The following NIBAN1 variants were observed in gnomAD, a reference collection of about 807,000 sequenced individuals.
The protein encoded by NIBAN1 is protein Niban 1.
Under a neutral mutation model 75.1 loss-of-function variants are expected in NIBAN1, and 81 were observed. That is an observed-to-expected ratio of 1.08 (90% CI 0.90 to 1.30). The LOEUF (loss-of-function observed/expected upper bound fraction) is 1.30. NIBAN1 is among the 50% of genes most tolerant of loss of function. The pLI, the probability that NIBAN1 is intolerant of heterozygous loss-of-function variation, is 0.00. For synonymous variants in NIBAN1, 436 were observed against 424.8 expected (o/e 1.03, Z -0.32); for missense variants, 1,133 against 1,128.1 (o/e 1.00, Z -0.06).
intron 12 of NIBAN1, among the ~76,000 whole-genome samples, chr1:184,799,120 C>T (rs1653958694): frequency 6.6e-6 from 1 of 151,836 alleles, no homozygotes; most frequent in African/African-American, 2.4e-5. Flanking sequence ...TATACATGTG[C>T]CATGCTGGTG....
chr1:184,945,208 G>A (rs540232414), intron 1 of NIBAN1, among the ~76,000 whole-genome samples: 44 of 152,310 alleles, frequency 2.9e-4, no homozygotes, highest in Middle Eastern at 3.4e-3. Flanking sequence ...TACAGAGAGA[G>A]GAAGTAACCA....
At chr1:184,934,348 T>TA (rs956122458) in intron 1 of NIBAN1, among the ~76,000 whole-genome samples, 7 of 152,116 alleles carry the variant, frequency 4.6e-5, no homozygotes, top group African/African-American at 1.7e-4. Flanking sequence ...GGGCAAGTGT[T>TA]AAAAAAACTA....
chr1:184,962,167 G>T (rs939962084), intron 1 of NIBAN1, among the ~76,000 whole-genome samples: 2 of 152,212 alleles, frequency 1.3e-5, no homozygotes, highest in Non-Finnish European at 2.9e-5. Context: ...TGATTATATG[G>T]TTTAATGTAG....
At chr1:184,921,125 T>C (rs1657521349) in intron 1 of NIBAN1, among the ~76,000 whole-genome samples, 3 of 96,876 alleles carry the variant, frequency 3.1e-5, no homozygotes, top group South Asian at 7.2e-4. Flanking sequence ...CAAGGCTCTG[T>C]CTCAAAAAAA....
chr1:184,967,099 G>A (rs1275028090), intron 1 of NIBAN1, among the ~76,000 whole-genome samples: 2 of 152,220 alleles, frequency 1.3e-5, no homozygotes, highest in East Asian at 3.9e-4. Context: ...TTTCGCATTG[G>A]CAGCAACTTG....
At chr1:184,943,645 T>A (rs1658151458) in intron 1 of NIBAN1, among the ~76,000 whole-genome samples, 1 of 152,086 alleles carries the variant, frequency 6.6e-6, no homozygotes, top group South Asian at 2.1e-4. Context: ...ACTCAGCAAC[T>A]GCAAATTATT....
intron 4 of NIBAN1, 58 bp from the exon 5 acceptor site, chr1:184,884,858 G>A (rs1256153575): frequency 6.4e-7 from 1 of 1,574,688 alleles, no homozygotes; most frequent in Middle Eastern, 1.7e-4. Context: ...TATTTCAAAT[G>A]TGTGTTTCAG....
intron 1 of NIBAN1, among the ~76,000 whole-genome samples, chr1:184,928,801 T>G (rs537697252): frequency 2.0e-5 from 3 of 152,172 alleles, no homozygotes; most frequent in Non-Finnish European, 4.4e-5. Context: ...TGTGATCACC[T>G]GATTTTTGGT....
intron 13 of NIBAN1, 81 bp downstream of exon 13, chr1:184,797,998 C>A (rs1442183789): frequency 6.7e-6 from 5 of 744,030 alleles, no homozygotes; most frequent in Non-Finnish European, 1.1e-5. Flanking sequence ...TCTTTTCCTC[C>A]CTGACTGGCC....
intron 1 of NIBAN1, among the ~76,000 whole-genome samples, chr1:184,917,677 C>T (rs1657429512): frequency 6.6e-6 from 1 of 151,938 alleles, no homozygotes; most frequent in Admixed American, 6.6e-5. Context: ...CTATACTTTC[C>T]TCCTCCTGTC....
intron 5 of NIBAN1, among the ~76,000 whole-genome samples, chr1:184,840,095 A>G (rs912747820): frequency 1.3e-5 from 2 of 152,250 alleles, no homozygotes; most frequent in African/African-American, 4.8e-5. Context: ...CCTGGAATTA[A>G]CAATGAATGG....
chr1:184,858,620 T>C (rs1490096820), intron 5 of NIBAN1, among the ~76,000 whole-genome samples: 2 of 152,200 alleles, frequency 1.3e-5, no homozygotes, highest in African/African-American at 4.8e-5. Context: ...AATTTTATAG[T>C]CTATCAGAAA....
rs1653747112 is a variant in NIBAN1, at chr1:184,793,366, G to T, written c.*1611C>A. On this transcript the variant is annotated 3_prime_UTR_variant, in exon 14 of 14. Transcript: ENST00000367511. ...AAATCAGGAGTTTGAGACCAGCCTG[G>T]CCAACATGGTGAAAACCCATCTCTA... The T allele has an allele frequency of 6.6e-6, 1 of 152,104 alleles. No individual in the cohort carries two copies. The highest frequency in any genetic ancestry group is 6.5e-5 in the Admixed American group (1 of 15,272). 9.4% of individuals were successfully genotyped at this position (152,104 alleles called of 1,614,324 possible).
chr1:184,796,697 TGGCTGTGCAGG>T (rs1481492189), intron 13 of NIBAN1, among the ~76,000 whole-genome samples: 3 of 152,222 alleles, frequency 2.0e-5, no homozygotes, highest in Admixed American at 2.0e-4. Context: ...CTCCTACTTA[TGGCTGTGCAGG>T]GGCTGTAGTG....
At chr1:184,880,099 C>T (rs1656338684) in intron 5 of NIBAN1, among the ~76,000 whole-genome samples, 2 of 152,224 alleles carry the variant, frequency 1.3e-5, no homozygotes, top group South Asian at 4.1e-4. Flanking sequence ...GCTAGCACAG[C>T]ACTGTTGAAC....
chr1:184,884,948 CA>C, intron 4 of NIBAN1, 148 bp from the exon 5 acceptor site: 1 of 1,027,698 alleles, frequency 9.7e-7, no homozygotes, highest in Non-Finnish European at 1.4e-6. Flanking sequence ...AAACTGGGAG[CA>C]CTGGCTCCTC....
rs183852043 is a variant in NIBAN1 at position 184,961,199 on chromosome 1, G to A, written c.55+13103C>T. ...TTCTCCTGCTTCAGCCTCCTGAGTA[G>A]CTGGGACTACAGGCGCCTGCCGCCA... On this transcript the variant is annotated intron_variant, in intron 1 of 13. Coordinates refer to ENST00000367511, the MANE Select transcript of NIBAN1 (RefSeq NM_052966.4). Among the ~76,000 whole-genome samples the A allele has an allele frequency of 8.0e-5, 12 of 150,424 alleles. No individual in the cohort carries two copies. In the East Asian group the frequency reaches 2.0e-3, roughly 25 times the overall value.
intron 1 of NIBAN1, among the ~76,000 whole-genome samples, chr1:184,964,439 G>A (rs1646489646): frequency 2.0e-5 from 3 of 152,222 alleles, no homozygotes; most frequent in Non-Finnish European, 1.5e-5. Context: ...GCACAGCTCG[G>A]TTAACAGCAA....
intron 4 of NIBAN1, among the ~76,000 whole-genome samples, 197 bp downstream of exon 4, chr1:184,889,911 G>C (rs142740053): frequency 6.6e-6 from 1 of 152,256 alleles, no homozygotes; most frequent in Non-Finnish European, 1.5e-5. Context: ...GTGCATGGTA[G>C]GATGTTTTGT....
Sources: allele counts gnomAD v4.1 joint callset (sites outside exome capture counted in the v4.1 genomes callset), GRCh38; gene constraint gnomAD v4.1.1; transcripts MANE v1.5; gene names NCBI Gene and HGNC (gene_info 2026-07-23, HGNC 2026-07-21).